Variants in FER1L6 observed in about 807,000 individuals in gnomAD.
FER1L6 encodes the protein fer-1-like protein 6.
In FER1L6, 177 loss-of-function variants were observed where a neutral mutation model predicts 219.2. The observed-to-expected ratio is 0.81, with a 90% CI of 0.71 to 0.91. The LOEUF (loss-of-function observed/expected upper bound fraction) is 0.91. Among genes scored for constraint, FER1L6 ranks in the 40% least tolerant of loss-of-function variants. The pLI, the probability that FER1L6 is intolerant of heterozygous loss-of-function variation, is 0.00. For missense variants in FER1L6, 2,153 were observed against 2,259.9 expected (o/e 0.95, Z 0.96); for synonymous variants, 768 against 824.3 (o/e 0.93, Z 1.17).
rs752609830 is a variant in FER1L6, at chr8:124,076,300, A to G, written c.4195A>G (p.Lys1399Glu). ...EIKDRDKYIP[K>E]QLNPVFGRSF... ...CAAAGACCGGGATAAATACATCCCT[A>G]AACAACTGAACCCAGTATTTGGAAG... The change falls in exon 32 of 41, where the codon AAA becomes GAA. Residue 1399 changes from lysine (K) to glutamate (E), a missense_variant. Lys to Glu is a moderately conservative substitution (Grantham distance 56). Transcript: ENST00000522917. The G allele has an allele frequency of 4.3e-6, 7 of 1,613,648 alleles. No individual in the cohort carries two copies. In the African/African-American group the frequency reaches 9.3e-5, roughly 22 times the overall value.
chr8:124,118,183 C>T (rs925277793), intron 39 of FER1L6, among the ~76,000 whole-genome samples: 1 of 152,178 alleles, frequency 6.6e-6, no homozygotes, highest in African/African-American at 2.4e-5. Context: ...GAGAAAATGG[C>T]TCTTAACTTT....
At chr8:123,939,585 T>C (rs899418904) in intron 1 of FER1L6, among the ~76,000 whole-genome samples, 61 of 152,180 alleles carry the variant, frequency 4.0e-4, no homozygotes, top group African/African-American at 1.4e-3. Flanking sequence ...TAAGAAAGTT[T>C]CCTGCAGGTC....
chr8:123,935,123 T>A (rs1360078098), intron 1 of FER1L6, among the ~76,000 whole-genome samples: 2 of 152,198 alleles, frequency 1.3e-5, no homozygotes, highest in African/African-American at 4.8e-5. Context: ...TGTAAAATGG[T>A]GACTTAAGTT....
At chr8:124,008,241 A>G (rs971683171) in intron 13 of FER1L6, among the ~76,000 whole-genome samples, 4 of 152,174 alleles carry the variant, frequency 2.6e-5, no homozygotes, top group African/African-American at 7.2e-5. Flanking sequence ...ATAGTCTCCA[A>G]TCATGTCCAG....
At chr8:123,893,133 T>C (rs1250515106) in intron 1 of FER1L6, among the ~76,000 whole-genome samples, 1 of 152,204 alleles carries the variant, frequency 6.6e-6, no homozygotes, top group Non-Finnish European at 1.5e-5. Context: ...GCTTTTGTTA[T>C]CCAAAATTGT....
chr8:123,996,249 G>C (rs1469854170), intron 12 of FER1L6, among the ~76,000 whole-genome samples: 2 of 151,976 alleles, frequency 1.3e-5, no homozygotes, highest in Non-Finnish European at 2.9e-5. Flanking sequence ...CTGAAAGTAG[G>C]GTATTGAAGT....
intron 39 of FER1L6, among the ~76,000 whole-genome samples, chr8:124,104,176 C>T (rs903318241): frequency 4.6e-5 from 7 of 152,196 alleles, no homozygotes; most frequent in African/African-American, 1.7e-4. Flanking sequence ...TTAATTGGAT[C>T]CCCTTGATTG....
Position 123,852,210 on chromosome 8 carries a change from A to G in FER1L6, c.-8+25A>G, listed in dbSNP as rs1478184333. On this transcript the variant is annotated intron_variant, in intron 1 of 40. Coordinates refer to ENST00000522917, the MANE Select transcript of FER1L6 (RefSeq NM_001039112.2). The surrounding 1 kb of genome is among the most constrained non-coding windows in gnomAD (Gnocchi z 4.9). ...TGTAAGTCCATAGATAATAGATTCT[A>G]CAGAAGCATTGTGTGCAGGGAAGGC... 1.3e-5 allele frequency: 2 copies of G among 152,272 alleles called. No homozygotes were observed. Among genetic ancestry groups the G allele is most frequent in the Non-Finnish European group, 2.9e-5 (2 of 68,084 alleles). The allele number at this position is 152,272 out of a possible 1,614,324, so 9.4% of individuals were successfully genotyped here.
Position 123,955,972 on chromosome 8 carries a change from T to A in FER1L6, c.-7-20T>A. The A allele has an allele frequency of 6.4e-7, 1 of 1,573,046 alleles. No individual in the cohort carries two copies. The highest frequency in any genetic ancestry group is 8.7e-7 in the Non-Finnish European group (1 of 1,153,860). ...AATGACTCAAAGTTTTTATTGTTTCTTTTTTTTTCTTCTTTTCAGAAAGGG... is the reference window on the plus strand; with the variant it reads ...AATGACTCAAAGTTTTTATTGTTTCATTTTTTTTCTTCTTTTCAGAAAGGG... On this transcript the variant is annotated intron_variant, in intron 1 of 40. Coordinates refer to ENST00000522917, the MANE Select transcript of FER1L6 (RefSeq NM_001039112.2).
intron 2 of FER1L6, among the ~76,000 whole-genome samples, chr8:123,959,957 C>T (rs915851445): frequency 5.9e-5 from 9 of 152,206 alleles, no homozygotes; most frequent in Admixed American, 1.3e-4. Flanking sequence ...TTTTGTCTTA[C>T]GGGCAAGGAA....
intron 17 of FER1L6, among the ~76,000 whole-genome samples, chr8:124,023,111 T>G (rs1317179969): frequency 6.6e-6 from 1 of 152,128 alleles, no homozygotes; most frequent in African/African-American, 2.4e-5. Flanking sequence ...GAGATGTGGT[T>G]TCACCATACT....
intron 18 of FER1L6, among the ~76,000 whole-genome samples, chr8:124,024,594 T>C (rs1325048195): frequency 6.6e-6 from 1 of 152,220 alleles, no homozygotes; most frequent in African/African-American, 2.4e-5. Flanking sequence ...ATTTTCTTAA[T>C]CCAGTCATCA....
chr8:124,023,453 A>G lies in FER1L6; in HGVS notation c.2143A>G (p.Thr715Ala). The change falls in exon 18 of 41, where the codon ACT becomes GCT. Residue 715 changes from threonine (T) to alanine (A), a missense_variant. Thr to Ala is a moderately conservative substitution (Grantham distance 58). Coordinates refer to ENST00000522917, the MANE Select transcript of FER1L6 (RefSeq NM_001039112.2). The part of the protein sequence containing the change: ...IRFLVDEPQH[T>A]IPDVFIWMLS... ...CCCTCTATTCCCACAGCCCCAGCAC[A>G]CTATCCCTGACGTTTTCATCTGGAT... 1 of 1,614,044 alleles carries G rather than the reference A, an allele frequency of 6.2e-7. No homozygotes were observed. The highest frequency in any genetic ancestry group is 1.1e-5 in the South Asian group (1 of 91,060).
chr8:123,989,727 T>C (rs1816760325), intron 12 of FER1L6, among the ~76,000 whole-genome samples: 1 of 152,212 alleles, frequency 6.6e-6, no homozygotes. Context: ...CCAAGTTTGC[T>C]GCAAAAGACA....
chr8:124,010,507 C>A (rs1586587068), intron 13 of FER1L6, 87 bp from the exon 14 acceptor site: 1 of 1,523,666 alleles, frequency 6.6e-7, no homozygotes, highest in Non-Finnish European at 8.9e-7. Flanking sequence ...GAGTCCTGCC[C>A]AGAACGTATA....
intron 1 of FER1L6, among the ~76,000 whole-genome samples, chr8:123,900,236 T>C (rs1008310567): frequency 8.0e-5 from 12 of 149,966 alleles, no homozygotes; most frequent in Non-Finnish European, 7.4e-5. Context: ...TTTTCCTAAG[T>C]ATATATATAT....
At chr8:124,097,184 G>A in intron 35 of FER1L6, 87 bp from the exon 36 acceptor site, 1 of 940,230 alleles carries the variant, frequency 1.1e-6, no homozygotes. Context: ...TTCTACTAAA[G>A]GGATCTTATA....
intron 12 of FER1L6, among the ~76,000 whole-genome samples, chr8:123,996,897 A>G (rs1335714367): frequency 1.3e-5 from 2 of 152,174 alleles, no homozygotes; most frequent in Admixed American, 1.3e-4. Flanking sequence ...AGCAAAGAGA[A>G]AATGAATAAA....
At chr8:123,916,606 T>C (rs1813198035) in intron 1 of FER1L6, among the ~76,000 whole-genome samples, 1 of 152,168 alleles carries the variant, frequency 6.6e-6, no homozygotes, top group African/African-American at 2.4e-5. Flanking sequence ...GCGCTCTGCT[T>C]TGAGTGAAGA....
Sources: allele counts gnomAD v4.1 joint callset (sites outside exome capture counted in the v4.1 genomes callset), GRCh38; gene constraint gnomAD v4.1.1; non-coding constraint Gnocchi (gnomAD v3.1); transcripts MANE v1.5; gene names NCBI Gene and HGNC (gene_info 2026-07-23, HGNC 2026-07-21).